Variants in NFKB1 observed in about 807,000 individuals in gnomAD.
NFKB1 encodes the protein nuclear factor NF-kappa-B p105 subunit.
Under a neutral mutation model 105.1 loss-of-function variants are expected in NFKB1, and 9 were observed. The observed-to-expected ratio is 0.09, with a 90% confidence interval of 0.05 to 0.15. The LOEUF is 0.15. NFKB1 is among the 10% of genes least tolerant of loss of function. NFKB1 has a pLI of 1.00. For missense variants in NFKB1, 830 were observed against 1,203.7 expected (o/e 0.69, Z 4.59); for synonymous variants, 440 against 442.2 (o/e 1.00, Z 0.06).
chr4:102,543,938 G>A (rs1022404607), intron 5 of NFKB1, among the ~76,000 whole-genome samples: 3 of 152,146 alleles, frequency 2.0e-5, no homozygotes, highest in Admixed American at 6.6e-5. Flanking sequence ...CACTGCGCAA[G>A]TATTTAATTA....
intron 1 of NFKB1, among the ~76,000 whole-genome samples, chr4:102,523,150 A>G (rs1403649868): frequency 1.3e-5 from 2 of 152,202 alleles, no homozygotes; most frequent in Non-Finnish European, 2.9e-5. Flanking sequence ...TTTAGTTAAT[A>G]TCCAAGATCA....
rs574734378 is a variant in NFKB1, at chr4:102,570,004, T to G, written c.407+2869T>G. On this transcript the variant is annotated intron_variant, in intron 6 of 23. Transcript: ENST00000226574. ...TTTTAAACCCTGAATATCAACAATT[T>G]GTTTCAACATATTTTAGTTCGTTGA... 1.8e-4 allele frequency among the ~76,000 whole-genome samples: 27 copies of G among 152,302 alleles called. No individual in the cohort carries two copies. In the Middle Eastern group the frequency reaches 0.01, roughly 58 times the overall value.
rs778397673 is a variant in NFKB1 at position 102,593,507 on chromosome 4, T to C, written c.1149T>C (p.Ala383=). ...TCGGCGGTGGTAGTGGTGCTGGAGC[T>C]GGAGGCGGAGGCATGTTTGGTAGTG... The part of the protein sequence containing the change: ...DSFGGGSGAG[A]GGGGMFGSGG... Residue 383 remains alanine (A), a synonymous_variant, in exon 12 of 24, where the codon GCT becomes GCC. Transcript: ENST00000226574. The C allele has an allele frequency of 1.9e-6, 3 of 1,613,438 alleles. No individual in the cohort carries two copies. The highest frequency in any genetic ancestry group is 1.7e-5 in the Admixed American group (1 of 59,988).
chr4:102,613,405 C>T lies in NFKB1; in HGVS notation c.2593-20C>T. 1 of 1,611,896 alleles carries T rather than the reference C, an allele frequency of 6.2e-7. No homozygotes were observed. The highest frequency in any genetic ancestry group is 1.1e-5 in the South Asian group (1 of 90,970). On this transcript the variant is annotated intron_variant, in intron 22 of 23. Coordinates refer to ENST00000226574, the MANE Select transcript of NFKB1 (RefSeq NM_003998.4). The stretch of plus-strand genomic sequence containing the variant: ...GACTCGAACACAAGAACATGCTCCT[C>T]CTTCCTTTCTTTCTCACAGGTCTCT...
At chr4:102,596,110 A>G in intron 13 of NFKB1, 28 bp from the exon 14 acceptor site, 2 of 1,472,480 alleles carry the variant, frequency 1.4e-6, no homozygotes, top group Non-Finnish European at 1.8e-6. Context: ...TTACTGAGAA[A>G]AATCTGATGT....
chr4:102,589,526 A>G lies in NFKB1; in HGVS notation c.1067-3899A>G, dbSNP rs553904405. Among the ~76,000 whole-genome samples the G allele has an allele frequency of 2.3e-3, 354 of 152,030 alleles. 1 individual carries two copies. Among genetic ancestry groups the G allele is most frequent in the African/African-American group, 8.3e-3 (343 of 41,454 alleles). ...GATGCTCAGCTTTTAAACAACTATT[A>G]AAGTGTACTTTGTTACCCTGCTTTC... On this transcript the variant is annotated intron_variant, in intron 11 of 23. Coordinates refer to ENST00000226574, the MANE Select transcript of NFKB1 (RefSeq NM_003998.4).
chr4:102,560,374 A>G (rs1032891968), intron 5 of NFKB1, among the ~76,000 whole-genome samples: 45 of 152,240 alleles, frequency 3.0e-4, no homozygotes, highest in African/African-American at 1.1e-3. Context: ...AAAGTTATAC[A>G]TAGAGATTTT....
At chr4:102,548,813 C>G (rs952630996) in intron 5 of NFKB1, among the ~76,000 whole-genome samples, 1 of 152,126 alleles carries the variant, frequency 6.6e-6, no homozygotes, top group Non-Finnish European at 1.5e-5. Flanking sequence ...CTCTCTGCGT[C>G]CCTGTGTCCA....
intron 23 of NFKB1, among the ~76,000 whole-genome samples, chr4:102,615,681 CA>C (rs1310067781): frequency 6.6e-6 from 1 of 152,168 alleles, no homozygotes; most frequent in African/African-American, 2.4e-5. Context: ...GTTTGTAACC[CA>C]TAATAGACAC....
At chr4:102,577,110 T>C in intron 7 of NFKB1, 71 bp downstream of exon 7, 1 of 1,475,568 alleles carries the variant, frequency 6.8e-7, no homozygotes, top group Non-Finnish European at 9.2e-7. Context: ...ATGAATTATA[T>C]GTTCATCTGC....
In NFKB1 at chr4:102,612,715, C is replaced by T. The variant is rs1728541524; in HGVS notation, c.2592+109C>T. On this transcript the variant is annotated intron_variant, in intron 22 of 23. Transcript: ENST00000226574. The stretch of plus-strand genomic sequence containing the variant: ...TTTTCCTTAACTCTGAAGAAGAAAA[C>T]CAGTCATTGCCCAAGGCCTGGGAGG... 2.8e-6 allele frequency: 3 copies of T among 1,088,134 alleles called. No individual in the cohort carries two copies. The South Asian group carries it at 4.9e-5, about 18-fold the overall frequency. 67.4% of individuals were successfully genotyped at this position (1,088,134 alleles called of 1,614,324 possible).
At chr4:102,592,109 A>G (rs1056219057) in intron 11 of NFKB1, among the ~76,000 whole-genome samples, 9 of 152,254 alleles carry the variant, frequency 5.9e-5, no homozygotes, top group Non-Finnish European at 1.0e-4. Context: ...ACTGCTGCTC[A>G]TGATTTAACT....
At chr4:102,543,714 G>T (rs1260429392) in intron 5 of NFKB1, among the ~76,000 whole-genome samples, 1 of 152,048 alleles carries the variant, frequency 6.6e-6, no homozygotes, top group African/African-American at 2.4e-5. Context: ...GGCATTTGAG[G>T]ATATCACATA....
At chr4:102,563,958 A>G (rs534855053) in intron 5 of NFKB1, among the ~76,000 whole-genome samples, 1 of 151,678 alleles carries the variant, frequency 6.6e-6, no homozygotes, top group South Asian at 2.1e-4. Flanking sequence ...AGCTGGGATT[A>G]CAGGTGCACA....
intron 8 of NFKB1, 32 bp downstream of exon 8, chr4:102,579,071 CAAG>C: frequency 6.3e-7 from 1 of 1,597,930 alleles, no homozygotes; most frequent in South Asian, 1.1e-5. Context: ...GGGGGCACAC[CAAG>C]AATAGACTTC....
At chr4:102,561,269 T>TGTGTG (rs1259335113) in intron 5 of NFKB1, among the ~76,000 whole-genome samples, 19 of 103,592 alleles carry the variant, frequency 1.8e-4, no homozygotes, top group African/African-American at 7.4e-4. Flanking sequence ...TCTTTCCTTT[T>TGTGTG]TTTTTTTTTT....
In NFKB1 at chr4:102,610,606, T is replaced by C. The variant is rs1446276870; in HGVS notation, c.2259T>C (p.Pro753=). 6.2e-7 allele frequency: 1 copy of C among 1,613,858 alleles called. No individual in the cohort carries two copies. The highest frequency in any genetic ancestry group is 8.5e-7 in the Non-Finnish European group (1 of 1,179,938). The change falls in exon 20 of 24, where the codon CCT becomes CCC. Residue 753 remains proline, a synonymous_variant. Transcript: ENST00000226574. ...ATCCCCTGGTGGAGAACTTTGAGCC[T>C]CTCTATGACCTGGATGACTCTTGGG... ...GADPLVENFE[P]LYDLDDSWEN...
chr4:102,596,010 AATT>A, intron 13 of NFKB1, 125 bp from the exon 14 acceptor site: 1 of 523,246 alleles, frequency 1.9e-6, no homozygotes, highest in Admixed American at 3.4e-5. Flanking sequence ...AAGAATTTTA[AATT>A]ATTATTTTTC....
At chr4:102,532,636 AT>A (rs1741373971) in intron 3 of NFKB1, among the ~76,000 whole-genome samples, 1 of 152,278 alleles carries the variant, frequency 6.6e-6, no homozygotes, top group African/African-American at 2.4e-5. Flanking sequence ...TCAAAAAAAA[AT>A]AAAAAAAATT....
Sources: gnomAD v4.1 joint callset for allele counts (sites outside exome capture counted in the v4.1 genomes callset) on GRCh38, gnomAD v4.1.1 for gene constraint, MANE v1.5 for transcripts, NCBI Gene and HGNC (gene_info 2026-07-23, HGNC 2026-07-21) for gene names.